NAV3: variants seen among roughly 807,000 people sequenced by gnomAD.
NAV3 encodes the protein neuron navigator 3.
Under a neutral mutation model 244.7 loss-of-function variants are expected in NAV3, and 87 were observed. The observed-to-expected ratio is 0.36, with a 90% CI of 0.30 to 0.42. The LOEUF (loss-of-function observed/expected upper bound fraction) is 0.42, where lower values mean the gene tolerates loss of function less well. Among genes scored for constraint, NAV3 ranks in the 20% least tolerant of loss-of-function variants. The pLI is 1.00. For missense variants in NAV3, 2,663 were observed against 2,893.3 expected, an observed-to-expected ratio of 0.92 and a Z score of 1.83; for synonymous variants, 1,126 against 1,042.2, an observed-to-expected ratio of 1.08 and a Z score of -1.55.
At chr12:77,781,129 TGACCAG>T (rs1870640547) in intron 2 of NAV3, among the ~76,000 whole-genome samples, 1 of 152,150 alleles carries the variant, frequency 6.6e-6, no homozygotes, top group African/African-American at 2.4e-5. Context: ...ATGAAGGTGT[TGACCAG>T]GACCAAGGTT....
At chr12:77,840,795 A>T (rs188071675) in intron 1 of NAV3, among the ~76,000 whole-genome samples, 4 of 152,170 alleles carry the variant, frequency 2.6e-5, no homozygotes, top group Non-Finnish European at 5.9e-5. Flanking sequence ...ATTCCAACCT[A>T]GGTCTATTTG....
intron 2 of NAV3, among the ~76,000 whole-genome samples, chr12:77,763,918 G>A (rs1869615450): frequency 6.6e-6 from 1 of 152,148 alleles, no homozygotes; most frequent in Non-Finnish European, 1.5e-5. Flanking sequence ...CTATCAGAGA[G>A]GGACAGTGAA....
rs184945808 is a variant in NAV3, at chr12:78,183,591, T to G, written c.5693-2010T>G. 2.3e-3 allele frequency among the ~76,000 whole-genome samples: 356 copies of G among 152,090 alleles called. 4 individuals carry two copies. In the South Asian group the frequency reaches 0.025, roughly 11 times the overall value. ...GGACTTTTCACTATTGTGTTAATTTTGCTTTAAATAGCCACATAATAAAAG... is the reference window on the plus strand; with the variant it reads ...GGACTTTTCACTATTGTGTTAATTTGGCTTTAAATAGCCACATAATAAAAG... On this transcript the variant is annotated intron_variant, in intron 30 of 39. Transcript: ENST00000397909.
intron 12 of NAV3, among the ~76,000 whole-genome samples, chr12:78,073,605 C>T (rs1247233412): frequency 6.6e-6 from 1 of 152,058 alleles, no homozygotes; most frequent in Non-Finnish European, 1.5e-5. Context: ...TGAAAATGGC[C>T]ATACTGCCCA....
intron 2 of NAV3, among the ~76,000 whole-genome samples, chr12:77,597,038 T>C (rs1280658621): frequency 6.6e-6 from 1 of 152,150 alleles, no homozygotes; most frequent in Non-Finnish European, 1.5e-5. Flanking sequence ...ATAATCACTT[T>C]CTTTAACTCA....
chr12:77,621,393 A>T (rs1197271223), intron 2 of NAV3, among the ~76,000 whole-genome samples: 1 of 151,760 alleles, frequency 6.6e-6, no homozygotes, highest in Non-Finnish European at 1.5e-5. Flanking sequence ...AAAATCTGAC[A>T]CTCACTTTGT....
intron 2 of NAV3, among the ~76,000 whole-genome samples, chr12:77,740,715 G>A (rs1005917945): frequency 1.3e-5 from 2 of 152,096 alleles, no homozygotes; most frequent in African/African-American, 4.8e-5. Flanking sequence ...GTAAATAGGA[G>A]GATAAGAAGT....
intron 9 of NAV3, among the ~76,000 whole-genome samples, chr12:78,034,478 T>C (rs1032398705): frequency 6.6e-6 from 1 of 152,240 alleles, no homozygotes; most frequent in African/African-American, 2.4e-5. Context: ...CGAGTGGTTC[T>C]GAACATATGA....
chr12:78,192,074 C>T (rs2139908766), intron 34 of NAV3, among the ~76,000 whole-genome samples: 1 of 152,038 alleles, frequency 6.6e-6, no homozygotes, highest in Admixed American at 6.5e-5. Context: ...CATAGCTTTC[C>T]CTAAAAAATA....
intron 37 of NAV3, among the ~76,000 whole-genome samples, chr12:78,200,159 G>T (rs549990559): frequency 8.5e-5 from 13 of 152,142 alleles, no homozygotes; most frequent in Non-Finnish European, 1.3e-4. Flanking sequence ...ATAATGACGT[G>T]TTTTATATTT....
intron 15 of NAV3, among the ~76,000 whole-genome samples, chr12:78,121,428 G>T (rs1451356881): frequency 6.6e-6 from 1 of 152,006 alleles, no homozygotes; most frequent in Non-Finnish European, 1.5e-5. Flanking sequence ...CCCTGACAGT[G>T]ACTCAGACCA....
Position 77,831,214 on chromosome 12 carries a change from AGAGAAAG to A in NAV3, c.-247_-241del. On this transcript the variant is annotated 5_prime_UTR_variant, in exon 1 of 40. Coordinates refer to ENST00000397909, the MANE Select transcript of NAV3 (RefSeq NM_001024383.2). ...GAGAGACAGAGAGAGAGAGAGAGAG[AGAGAAAG>A]AGAGAGAGAGAGAGAATGAGAATGA... 3.5e-6 allele frequency: 1 copy of A among 284,028 alleles called. No homozygotes were observed. 17.6% of individuals were successfully genotyped at this position (284,028 alleles called of 1,614,324 possible).
At chr12:77,941,191 G>C (rs878900796) in intron 3 of NAV3, 58 bp downstream of exon 3, 2 of 1,067,168 alleles carry the variant, frequency 1.9e-6, no homozygotes, top group Non-Finnish European at 2.8e-6. Context: ...AGAATTAATT[G>C]CATTTGTAAA....
At chr12:77,728,391 C>T (rs1876975291) in intron 2 of NAV3, among the ~76,000 whole-genome samples, 1 of 151,072 alleles carries the variant, frequency 6.6e-6, no homozygotes, top group East Asian at 1.9e-4. Context: ...AAGTGCAAAA[C>T]TAGAGACAGA....
At chr12:77,729,045 A>G (rs912426338) in intron 2 of NAV3, among the ~76,000 whole-genome samples, 4 of 152,054 alleles carry the variant, frequency 2.6e-5, no homozygotes, top group Non-Finnish European at 5.9e-5. Context: ...TTGTAAGAAT[A>G]TAGTATATAA....
At chr12:77,984,503 T>TA (rs1870131221) in intron 5 of NAV3, among the ~76,000 whole-genome samples, 1 of 151,030 alleles carries the variant, frequency 6.6e-6, no homozygotes, top group African/African-American at 2.4e-5. Flanking sequence ...TTACCTGTTA[T>TA]AGCACTTATC....
intron 2 of NAV3, among the ~76,000 whole-genome samples, chr12:77,756,660 G>C (rs1869197174): frequency 6.6e-6 from 1 of 152,090 alleles, no homozygotes; most frequent in Non-Finnish European, 1.5e-5. Context: ...GAATATTTTA[G>C]TCATGCTTTA....
intron 1 of NAV3, among the ~76,000 whole-genome samples, chr12:77,892,351 A>G (rs555779707): frequency 6.6e-6 from 1 of 152,250 alleles, no homozygotes; most frequent in East Asian, 1.9e-4. Flanking sequence ...TTATTTGTGC[A>G]TTAGGTGATC....
intron 2 of NAV3, among the ~76,000 whole-genome samples, chr12:77,808,613 C>T (rs1279637755): frequency 6.6e-6 from 1 of 152,174 alleles, no homozygotes; most frequent in African/African-American, 2.4e-5. Flanking sequence ...GTCTATCGAC[C>T]CCTGCTGGGA....
Sources: gnomAD v4.1 joint callset for allele counts (sites outside exome capture counted in the v4.1 genomes callset) on GRCh38, gnomAD v4.1.1 for gene constraint, MANE v1.5 for transcripts, NCBI Gene and HGNC (gene_info 2026-07-23, HGNC 2026-07-21) for gene names.